Variants in SAMD3 observed in about 807,000 individuals in gnomAD.
SAMD3 encodes the protein sterile alpha motif domain containing 3.
A neutral mutation model predicts 58.5 loss-of-function variants in SAMD3; 63 were observed. The ratio of observed to expected loss-of-function variants is 1.08; its 90% CI spans 0.88 to 1.33. SAMD3 has a LOEUF of 1.33. Among genes scored for constraint, SAMD3 ranks in the 40% most tolerant of loss-of-function variants. SAMD3 has a pLI of 0.00. For synonymous variants in SAMD3, 220 were observed against 210.3 expected, an observed-to-expected ratio of 1.05 and a Z score of -0.40; for missense variants, 604 against 608.4, an observed-to-expected ratio of 0.99 and a Z score of 0.08.
Position 130,176,784 on chromosome 6 carries a change from G to A in SAMD3, c.655-776C>T, listed in dbSNP as rs367869269. ...AGTTGGGTAGATGCACAGAAGTTCCGGAAGGATGAAGCTGCAAGTGCAATG... is the reference window on the plus strand; with the variant it reads ...AGTTGGGTAGATGCACAGAAGTTCCAGAAGGATGAAGCTGCAAGTGCAATG... On this transcript the variant is annotated intron_variant, in intron 7 of 11. Transcript: ENST00000439090. Among the ~76,000 whole-genome samples the A allele has an allele frequency of 1.8e-4, 27 of 152,288 alleles. No individual in the cohort carries two copies. In the South Asian group the frequency reaches 2.5e-3, roughly 14 times the overall value.
rs1458279672 is a variant in SAMD3 at position 130,145,332 on chromosome 6, C to T, written c.1278+8G>A. The T allele has an allele frequency of 1.9e-6, 3 of 1,563,822 alleles. 1 individual carries two copies. In the South Asian group the frequency reaches 3.4e-5, roughly 18 times the overall value. On this transcript the variant is annotated splice_region_variant and intron_variant, in intron 11 of 11. Transcript: ENST00000439090. ...TGTCAAACTAGTGGCCATTCACATA[C>T]TACATACCTGTTCATTCATGATGAC... is the stretch of plus-strand genomic sequence containing the variant.
At chr6:130,277,372 G>T (rs113401744) in intron 2 of SAMD3, among the ~76,000 whole-genome samples, 7 of 152,210 alleles carry the variant, frequency 4.6e-5, no homozygotes, top group African/African-American at 1.7e-4. Context: ...AGGACAGCCA[G>T]CCTGTAAGGC....
intron 1 of SAMD3, among the ~76,000 whole-genome samples, chr6:130,328,579 A>G (rs576580832): frequency 1.3e-5 from 2 of 152,332 alleles, no homozygotes; most frequent in East Asian, 1.9e-4. Context: ...ATGACTACAC[A>G]TGAGGTCAAC....
chr6:130,363,097 C>T (rs1778033907), intron 1 of SAMD3, among the ~76,000 whole-genome samples: 1 of 152,142 alleles, frequency 6.6e-6, no homozygotes, highest in African/African-American at 2.4e-5. Flanking sequence ...AGCAGAAATA[C>T]TACAGGGGTT....
At chr6:130,215,943 C>T (rs1283198918) in intron 2 of SAMD3, 19 of 1,000,266 alleles carry the variant, frequency 1.9e-5, no homozygotes, top group Non-Finnish European at 2.6e-5. Context: ...TTACATACCC[C>T]TCTGAGTTCT....
intron 7 of SAMD3, among the ~76,000 whole-genome samples, chr6:130,182,258 C>A (rs1329537157): frequency 9.5e-6 from 1 of 105,786 alleles, no homozygotes; most frequent in Non-Finnish European, 2.1e-5. Context: ...TTTTCCTTCG[C>A]TTTGTTTTGT....
chr6:130,274,752 C>CT (rs202123647), intron 2 of SAMD3, among the ~76,000 whole-genome samples: 4,101 of 145,208 alleles, frequency 0.028, 77 homozygotes, highest in Non-Finnish European at 0.042. Context: ...GCCTAAATAT[C>CT]TTTTTTTTTT....
rs532989037 is a variant in SAMD3, at chr6:130,279,250, C to T, written c.-188+33728G>A. On this transcript the variant is annotated intron_variant, in intron 2 of 13. Coordinates refer to the SAMD3 transcript ENST00000368134. ...TCTTAAATTGTCATCCTTATAATCC[C>T]CATGTGTCATGAGAGGGTCCCAGTG... Among the ~76,000 whole-genome samples, 16 of 152,154 alleles carry T rather than the reference C, an allele frequency of 1.1e-4. No homozygotes were observed. The South Asian group carries it at 3.3e-3, about 32-fold the overall frequency.
chr6:130,296,813 G>A (rs868751150), intron 2 of SAMD3, among the ~76,000 whole-genome samples: 1 of 152,146 alleles, frequency 6.6e-6, no homozygotes, highest in Non-Finnish European at 1.5e-5. Context: ...CAGCCACACT[G>A]TGGTGGGGAA....
At chr6:130,201,903 T>C (rs1794681806) in intron 5 of SAMD3, among the ~76,000 whole-genome samples, 1 of 152,204 alleles carries the variant, frequency 6.6e-6, no homozygotes, top group Non-Finnish European at 1.5e-5. Flanking sequence ...CTGTGTTACT[T>C]CTCCATTTCT....
Position 130,146,032 on chromosome 6 carries a change from G to A in SAMD3, c.1173C>T (p.Tyr391=). ...NIVLQEKMKH[Y]TDEDMLKYMK... is the part of the protein sequence containing the mutation. Reference sequence around the variant, plus strand: ...AACATTTCAACATGTCTTCATCTGTGTAATGTTTCATTTTTTCTTGCAATA... The same window carrying A: ...AACATTTCAACATGTCTTCATCTGTATAATGTTTCATTTTTTCTTGCAATA... Residue 391 remains tyrosine, a synonymous_variant, in exon 10 of 12, where the codon TAC becomes TAT. Coordinates refer to ENST00000439090, the MANE Select transcript of SAMD3 (RefSeq NM_001017373.4). 1 of 1,570,398 alleles carries A rather than the reference G, an allele frequency of 6.4e-7. No homozygotes were observed. The highest frequency in any genetic ancestry group is 8.6e-7 in the Non-Finnish European group (1 of 1,161,036).
At chr6:130,328,976 T>C (rs1208192574) in intron 1 of SAMD3, among the ~76,000 whole-genome samples, 1 of 151,498 alleles carries the variant, frequency 6.6e-6, no homozygotes, top group Non-Finnish European at 1.5e-5. Context: ...ATATAAGAGA[T>C]TGTCTTTAGA....
At chr6:130,164,002 T>C (rs974626933) in intron 8 of SAMD3, among the ~76,000 whole-genome samples, 1 of 151,740 alleles carries the variant, frequency 6.6e-6, no homozygotes. Flanking sequence ...CCTGGTAGTT[T>C]ATGTGGAAGG....
At position 130,304,016 on chromosome 6, in the gene SAMD3, G is replaced by T. The variant is rs140603857; in HGVS notation, c.-188+8962C>A. On this transcript the variant is annotated intron_variant, in intron 2 of 13. Coordinates refer to the SAMD3 transcript ENST00000368134. The stretch of plus-strand genomic sequence containing the variant: ...TTTTCTTTAATAAATTCTAACTTGA[G>T]TGTATAAACATTTATCTACATTTTC... Among the ~76,000 whole-genome samples the T allele has an allele frequency of 4.6e-5, 7 of 152,108 alleles. No individual in the cohort carries two copies. In the East Asian group the frequency reaches 1.3e-3, roughly 29 times the overall value.
chr6:130,348,833 G>T (rs1482408473), intron 1 of SAMD3, among the ~76,000 whole-genome samples: 1 of 151,892 alleles, frequency 6.6e-6, no homozygotes, highest in East Asian at 1.9e-4. Flanking sequence ...TGGAAGTAAA[G>T]CACTCCTCAG....
chr6:130,227,219 C>T (rs970201138), upstream of SAMD3, among the ~76,000 whole-genome samples: 2 of 152,088 alleles, frequency 1.3e-5, no homozygotes, highest in Non-Finnish European at 2.9e-5. Flanking sequence ...TGGAATCATA[C>T]AATATTTGTT....
intron 1 of SAMD3, among the ~76,000 whole-genome samples, chr6:130,322,406 A>G (rs1776615298): frequency 6.6e-6 from 1 of 152,216 alleles, no homozygotes. Context: ...GGTACAAGTG[A>G]GATGACACGA....
intron 1 of SAMD3, among the ~76,000 whole-genome samples, chr6:130,358,500 T>C (rs1234192317): frequency 6.6e-6 from 1 of 152,186 alleles, no homozygotes; most frequent in African/African-American, 2.4e-5. Flanking sequence ...ATCAGTAAGC[T>C]CCATCTGACT....
chr6:130,322,194 T>C (rs969841294), intron 1 of SAMD3, among the ~76,000 whole-genome samples: 2 of 152,024 alleles, frequency 1.3e-5, no homozygotes, highest in African/African-American at 2.4e-5. Flanking sequence ...TAGTCCAGAA[T>C]TGGGACAGGG....
Sources: allele counts gnomAD v4.1 joint callset (sites outside exome capture counted in the v4.1 genomes callset), GRCh38; gene constraint gnomAD v4.1.1; transcripts MANE v1.5; gene names NCBI Gene and HGNC (gene_info 2026-07-23, HGNC 2026-07-21).